The following CORO1C variants were observed in gnomAD, a reference collection of about 807,000 sequenced individuals.
The protein encoded by CORO1C is coronin 1C.
In CORO1C, 14 loss-of-function variants were observed where a neutral mutation model predicts 51.2. The ratio of observed to expected loss-of-function variants is 0.27; its 90% confidence interval spans 0.18 to 0.43. The LOEUF is 0.43. Among genes scored for constraint, CORO1C ranks in the 20% least tolerant of loss-of-function variants. The pLI, the probability that CORO1C is intolerant of heterozygous loss-of-function variation, is 1.00. For synonymous variants in CORO1C, 181 were observed against 210.5 expected, an observed-to-expected ratio of 0.86 and a Z score of 1.21; for missense variants, 417 against 607.8, an observed-to-expected ratio of 0.69 and a Z score of 3.30.
chr12:108,690,681 A>G (rs2136850337), intron 2 of CORO1C, among the ~76,000 whole-genome samples: 1 of 152,360 alleles, frequency 6.6e-6, no homozygotes, highest in African/African-American at 2.4e-5. Flanking sequence ...GAATTTATAA[A>G]GTGAAAACCT....
At chr12:108,712,642 C>T (rs11114037) in intron 1 of CORO1C, among the ~76,000 whole-genome samples, 5,250 of 148,452 alleles carry the variant, frequency 0.035, 149 homozygotes, top group South Asian at 0.17. Flanking sequence ...TACACATTCA[C>T]GAGAGAGCAG....
At chr12:108,703,492 T>C (rs2034937370) in intron 1 of CORO1C, among the ~76,000 whole-genome samples, 1 of 152,134 alleles carries the variant, frequency 6.6e-6, no homozygotes, top group African/African-American at 2.4e-5. Context: ...CTTTCGAAGA[T>C]GGAAAGCTGT....
Position 108,647,350 on chromosome 12 carries a change from C to T in CORO1C, c.*53G>A. 6.3e-7 allele frequency: 1 copy of T among 1,593,272 alleles called. No homozygotes were observed. The highest frequency in any genetic ancestry group is 8.6e-7 in the Non-Finnish European group (1 of 1,168,496). On this transcript the variant is annotated 3_prime_UTR_variant, in exon 11 of 11. Coordinates refer to ENST00000261401, the MANE Select transcript of CORO1C (RefSeq NM_014325.4). ...CCTAGGACCACACCAATAACCAGCT[C>T]CCAAGCACAAGTTCTTGCTCCCATT...
rs755242174 is a variant in CORO1C at position 108,647,241 on chromosome 12, G to C, written c.*162C>G. 3.5e-4 allele frequency: 197 copies of C among 559,044 alleles called. 1 individual carries two copies. The highest frequency in any genetic ancestry group is 4.8e-4 in the Non-Finnish European group (159 of 328,652). 34.6% of individuals were successfully genotyped at this position (559,044 alleles called of 1,614,324 possible). The stretch of plus-strand genomic sequence containing the variant: ...TCTGCAAATTTGGGAGACAAATTGA[G>C]TTCTTACTGGAATGTGGCCTATCGC... On this transcript the variant is annotated 3_prime_UTR_variant, in exon 11 of 11. Coordinates refer to ENST00000261401, the MANE Select transcript of CORO1C (RefSeq NM_014325.4).
chr12:108,710,174 A>G (rs1183929570), intron 1 of CORO1C, among the ~76,000 whole-genome samples: 1 of 152,186 alleles, frequency 6.6e-6, no homozygotes, highest in African/African-American at 2.4e-5. Context: ...CACCTTTGAG[A>G]CAATGCAGGA....
intron 1 of CORO1C, among the ~76,000 whole-genome samples, chr12:108,719,657 A>AACCTCC (rs1188822741): frequency 6.6e-6 from 1 of 152,196 alleles, no homozygotes; most frequent in African/African-American, 2.4e-5. Context: ...ACTGCAGACA[A>AACCTCC]ACCTCCACCT....
chr12:108,648,482 C>G, intron 10 of CORO1C, 123 bp downstream of exon 10: 2 of 1,336,532 alleles, frequency 1.5e-6, no homozygotes, highest in Non-Finnish European at 2.1e-6. Context: ...CCCACTTTTT[C>G]ATTTACTGAA....
intron 4 of CORO1C, 107 bp from the exon 5 acceptor site, chr12:108,659,026 G>A: frequency 8.8e-7 from 1 of 1,136,962 alleles, no homozygotes; most frequent in East Asian, 2.5e-5. Flanking sequence ...TGCAGAGAGA[G>A]AGAGAGAGAA....
chr12:108,683,632 G>A (rs969671795), intron 2 of CORO1C, among the ~76,000 whole-genome samples: 2 of 152,036 alleles, frequency 1.3e-5, no homozygotes, highest in Admixed American at 6.6e-5. Flanking sequence ...TAATCTAGAT[G>A]AAATACACAA....
intron 2 of CORO1C, among the ~76,000 whole-genome samples, chr12:108,698,344 T>G (rs999037017): frequency 5.3e-5 from 8 of 152,252 alleles, no homozygotes; most frequent in South Asian, 2.1e-4. Context: ...AATCACTTCA[T>G]AGCTGAGAAC....
intron 2 of CORO1C, among the ~76,000 whole-genome samples, chr12:108,679,395 A>T (rs913091490): frequency 6.6e-6 from 1 of 152,170 alleles, no homozygotes; most frequent in Non-Finnish European, 1.5e-5. Context: ...CATGTCACAC[A>T]TTTGAATCTA....
At chr12:108,727,744 G>T (rs1167469123) in intron 1 of CORO1C, among the ~76,000 whole-genome samples, 2 of 152,012 alleles carry the variant, frequency 1.3e-5, no homozygotes, top group Non-Finnish European at 2.9e-5. Context: ...TTCATAAATT[G>T]GAAATCATCA....
chr12:108,721,653 A>G (rs999842977), intron 1 of CORO1C, among the ~76,000 whole-genome samples: 30 of 152,244 alleles, frequency 2.0e-4, no homozygotes, highest in African/African-American at 7.0e-4. Context: ...GAGTTCTTTG[A>G]AACCAGTAGT....
intron 2 of CORO1C, among the ~76,000 whole-genome samples, chr12:108,694,991 T>G (rs1221552925): frequency 6.6e-6 from 1 of 152,206 alleles, no homozygotes; most frequent in African/African-American, 2.4e-5. Flanking sequence ...CAATAAACAT[T>G]TATTACTCAC....
intron 4 of CORO1C, 119 bp downstream of exon 4, chr12:108,661,910 G>C (rs764487148): frequency 8.9e-7 from 1 of 1,126,952 alleles, no homozygotes; most frequent in African/African-American, 1.5e-5. Context: ...CTTCACCATG[G>C]TTTCCTAATA....
intron 2 of CORO1C, among the ~76,000 whole-genome samples, chr12:108,690,973 G>A (rs1427963949): frequency 6.6e-6 from 1 of 152,294 alleles, no homozygotes; most frequent in Non-Finnish European, 1.5e-5. Context: ...GAACGCTGAA[G>A]AGCTCCAGGG....
chr12:108,648,480 T>C (rs1321045827), intron 10 of CORO1C, 125 bp downstream of exon 10: 2 of 1,324,086 alleles, frequency 1.5e-6, no homozygotes, highest in African/African-American at 2.9e-5. Flanking sequence ...CTCCCACTTT[T>C]TCATTTACTG....
intron 1 of CORO1C, among the ~76,000 whole-genome samples, chr12:108,707,842 A>G (rs1311237665): frequency 1.3e-5 from 2 of 152,220 alleles, no homozygotes; most frequent in Non-Finnish European, 2.9e-5. Context: ...GACATTTTCC[A>G]AAGAAGATGT....
intron 10 of CORO1C, 106 bp downstream of exon 10, chr12:108,648,497 CCT>C: frequency 6.8e-7 from 1 of 1,470,608 alleles, no homozygotes; most frequent in Non-Finnish European, 9.3e-7. Context: ...ACTGAAAACC[CCT>C]GAGCACCCAG....
Sources: gnomAD v4.1 joint callset for allele counts (sites outside exome capture counted in the v4.1 genomes callset) on GRCh38, gnomAD v4.1.1 for gene constraint, MANE v1.5 for transcripts, NCBI Gene and HGNC (gene_info 2026-07-23, HGNC 2026-07-21) for gene names.